Variants in FAF1 observed in about 807,000 individuals in gnomAD.
The protein encoded by FAF1 is FAS-associated factor 1.
A neutral mutation model predicts 92.5 loss-of-function variants in FAF1; 25 were observed. The observed-to-expected ratio is 0.27, with a 90% CI of 0.20 to 0.38. The LOEUF is 0.38. Ranked by LOEUF, FAF1 falls within the 10% of genes least tolerant of loss-of-function variation. The pLI, the probability that FAF1 is intolerant of heterozygous loss-of-function variation, is 1.00. For synonymous variants in FAF1, 234 were observed against 273.2 expected (o/e 0.86, Z 1.42); for missense variants, 636 against 793.3 (o/e 0.80, Z 2.38).
intron 1 of FAF1, among the ~76,000 whole-genome samples, chr1:50,904,666 G>A (rs2124713073): frequency 6.6e-6 from 1 of 151,782 alleles, no homozygotes; most frequent in Non-Finnish European, 1.5e-5. Flanking sequence ...ATTTTATTTG[G>A]GCATTTACCA....
chr1:50,506,545 T>G (rs1647060583), intron 15 of FAF1, among the ~76,000 whole-genome samples: 1 of 152,192 alleles, frequency 6.6e-6, no homozygotes, highest in Non-Finnish European at 1.5e-5. Context: ...CTGGATTGAG[T>G]AGCTTCACTT....
chr1:50,446,098 G>A (rs1057429457), intron 18 of FAF1, among the ~76,000 whole-genome samples: 9 of 152,158 alleles, frequency 5.9e-5, no homozygotes, highest in African/African-American at 2.2e-4. Flanking sequence ...AATGTTTGGG[G>A]TTGTGGGGGG....
intron 8 of FAF1, among the ~76,000 whole-genome samples, chr1:50,630,139 AC>A (rs1030874616): frequency 6.6e-6 from 1 of 152,168 alleles, no homozygotes; most frequent in Non-Finnish European, 1.5e-5. Context: ...TGTTCCTGTT[AC>A]TAATTATTTA....
intron 17 of FAF1, among the ~76,000 whole-genome samples, chr1:50,486,209 T>G (rs775870204): frequency 6.6e-6 from 1 of 152,184 alleles, no homozygotes; most frequent in Non-Finnish European, 1.5e-5. Flanking sequence ...AGGAAACAGT[T>G]TGGGTAGACA....
intron 8 of FAF1, among the ~76,000 whole-genome samples, chr1:50,622,571 A>G (rs1653267106): frequency 6.6e-6 from 1 of 152,254 alleles, no homozygotes. Flanking sequence ...ATTGTCATCC[A>G]GGAATCTAAT....
In FAF1 at chr1:50,914,796, C is replaced by T. The variant is rs565739563; in HGVS notation, c.45+44971G>A. Among the ~76,000 whole-genome samples the T allele has an allele frequency of 7.9e-5, 12 of 152,282 alleles. No homozygotes were observed. The South Asian group carries it at 2.5e-3, about 32-fold the overall frequency. ...GCTATCAAAGTAATGTCCAAATGGT[C>T]ATCCTAGACCTCCCCTTTCATCTCA... On this transcript the variant is annotated intron_variant, in intron 1 of 18. Transcript: ENST00000396153.
At chr1:50,568,036 T>C (rs1351673937) in intron 12 of FAF1, among the ~76,000 whole-genome samples, 1 of 152,022 alleles carries the variant, frequency 6.6e-6, no homozygotes. Flanking sequence ...AACAAGGTAA[T>C]AGGTATAATA....
At chr1:50,859,300 A>G (rs905024735) in intron 1 of FAF1, among the ~76,000 whole-genome samples, 1 of 151,880 alleles carries the variant, frequency 6.6e-6, no homozygotes, top group African/African-American at 2.4e-5. Flanking sequence ...AGGCATCTAA[A>G]TAGGAAAAGA....
chr1:50,621,994 A>T (rs1483928438), intron 8 of FAF1, among the ~76,000 whole-genome samples: 1 of 151,874 alleles, frequency 6.6e-6, no homozygotes, highest in African/African-American at 2.4e-5. Flanking sequence ...GGTGAAACCC[A>T]GTCTCTACTA....
In FAF1 at chr1:50,448,351, G is replaced by T. The variant is rs866244475; in HGVS notation, c.1870-6828C>A. Among the ~76,000 whole-genome samples the T allele has an allele frequency of 3.3e-5, 5 of 150,058 alleles. No individual in the cohort carries two copies. The East Asian group carries it at 9.6e-4, about 29-fold the overall frequency. On this transcript the variant is annotated intron_variant, in intron 18 of 18. Coordinates refer to ENST00000396153, the MANE Select transcript of FAF1 (RefSeq NM_007051.3). ...TCTGATGACCCTGGGCAAATTCAAT[G>T]TTTATTTATAAAATTGAGACCTTTT...
chr1:50,910,690 G>A (rs1434804457), intron 1 of FAF1, among the ~76,000 whole-genome samples: 1 of 151,880 alleles, frequency 6.6e-6, no homozygotes, highest in South Asian at 2.1e-4. Context: ...CAAGCCAGGC[G>A]CGGGATTAAT....
At chr1:50,906,217 T>G (rs1022635370) in intron 1 of FAF1, among the ~76,000 whole-genome samples, 1 of 152,254 alleles carries the variant, frequency 6.6e-6, no homozygotes, top group African/African-American at 2.4e-5. Flanking sequence ...CTGAGGGCTC[T>G]GTTGTATTCC....
At chr1:50,483,082 A>G (rs1219042046) in intron 17 of FAF1, among the ~76,000 whole-genome samples, 1 of 152,158 alleles carries the variant, frequency 6.6e-6, no homozygotes, top group East Asian at 1.9e-4. Context: ...ATTTTCTCCT[A>G]CGTTTTCTTC....
intron 4 of FAF1, among the ~76,000 whole-genome samples, chr1:50,761,409 C>T (rs1281866743): frequency 2.6e-5 from 4 of 152,204 alleles, no homozygotes; most frequent in Non-Finnish European, 5.9e-5. Context: ...AGACCAATAT[C>T]CTTGATGAAC....
chr1:50,868,043 T>G (rs886788951), intron 1 of FAF1, among the ~76,000 whole-genome samples: 3 of 152,170 alleles, frequency 2.0e-5, no homozygotes, highest in Non-Finnish European at 4.4e-5. Flanking sequence ...TAGAAGGAGT[T>G]GAAGACCATC....
At chr1:50,528,869 TATG>T (rs1334321386) in intron 15 of FAF1, among the ~76,000 whole-genome samples, 1 of 152,226 alleles carries the variant, frequency 6.6e-6, no homozygotes, top group African/African-American at 2.4e-5. Context: ...CAAAGACCTT[TATG>T]ATAATCCACT....
chr1:50,602,822 T>C (rs1162614271), intron 8 of FAF1, among the ~76,000 whole-genome samples: 1 of 152,100 alleles, frequency 6.6e-6, no homozygotes, highest in Non-Finnish European at 1.5e-5. Context: ...CTTTTTGACA[T>C]ATATATACAT....
At chr1:50,839,506 G>A (rs1234826161) in intron 2 of FAF1, among the ~76,000 whole-genome samples, 2 of 152,136 alleles carry the variant, frequency 1.3e-5, no homozygotes, top group Non-Finnish European at 2.9e-5. Flanking sequence ...AAAGATGTCA[G>A]TAAGTAAAAG....
chr1:50,533,494 G>A (rs971866478), intron 15 of FAF1, among the ~76,000 whole-genome samples: 4 of 152,100 alleles, frequency 2.6e-5, no homozygotes, highest in African/African-American at 9.7e-5. Context: ...TTTGTCCTAA[G>A]TACACTGTTA....
Sources: gnomAD v4.1 joint callset for allele counts (sites outside exome capture counted in the v4.1 genomes callset) on GRCh38, gnomAD v4.1.1 for gene constraint, MANE v1.5 for transcripts, NCBI Gene and HGNC (gene_info 2026-07-23, HGNC 2026-07-21) for gene names.